The following TENT2 variants were observed in gnomAD, a reference collection of about 807,000 sequenced individuals.
The protein encoded by TENT2 is terminal nucleotidyltransferase 2.
In TENT2, 44 loss-of-function variants were observed where a neutral mutation model predicts 72.2. The ratio of observed to expected loss-of-function variants is 0.61; its 90% CI spans 0.48 to 0.78. The LOEUF is 0.78. Ranked by LOEUF, TENT2 falls within the 30% of genes least tolerant of loss-of-function variation. TENT2 has a pLI of 0.00. For synonymous variants in TENT2, 212 were observed against 192.5 expected (o/e 1.10, Z -0.84); for missense variants, 541 against 569.6 (o/e 0.95, Z 0.51).
intron 10 of TENT2, among the ~76,000 whole-genome samples, chr5:79,656,709 TA>T (rs940690751): frequency 9.2e-5 from 14 of 152,028 alleles, no homozygotes; most frequent in African/African-American, 3.1e-4. Flanking sequence ...CCTATTATTC[TA>T]AAACCATGTG....
Position 79,676,350 on chromosome 5 carries a change from C to G in TENT2, c.1209-3229C>G, listed in dbSNP as rs566197052. 2.4e-4 allele frequency among the ~76,000 whole-genome samples: 37 copies of G among 152,196 alleles called. 1 individual carries two copies. The South Asian group carries it at 7.3e-3, about 30-fold the overall frequency. ...ACAGTGGCTCACGCACCTTGGGAGG[C>G]TGAGGTGGGCAGATCGCTTGAGGTC... On this transcript the variant is annotated intron_variant, in intron 12 of 14. Transcript: ENST00000453514.
intron 4 of TENT2, among the ~76,000 whole-genome samples, chr5:79,625,632 A>G (rs1768939266): frequency 6.6e-6 from 1 of 152,144 alleles, no homozygotes; most frequent in Admixed American, 6.5e-5. Flanking sequence ...TTTGTATATG[A>G]TGTAAAGTAG....
In TENT2 at chr5:79,681,962, A is replaced by G. The variant is rs373553722; in HGVS notation, c.1301-20A>G. On this transcript the variant is annotated intron_variant, in intron 13 of 14. Coordinates refer to ENST00000453514, the MANE Select transcript of TENT2 (RefSeq NM_001114394.3). The stretch of plus-strand genomic sequence containing the variant: ...CTCATTTTAATAATTTTTCCTTTAC[A>G]TTTGCATTTAACATTGCAGAACCTT... The G allele has an allele frequency of 8.1e-6, 13 of 1,595,092 alleles. No homozygotes were observed. The African/African-American group carries it at 1.2e-4, about 15-fold the overall frequency.
intron 8 of TENT2, among the ~76,000 whole-genome samples, chr5:79,648,213 TG>T (rs1790701558): frequency 6.6e-6 from 1 of 151,744 alleles, no homozygotes; most frequent in Non-Finnish European, 1.5e-5. Flanking sequence ...GAGGCTGAGG[TG>T]GGGGAATTGC....
chr5:79,637,652 C>T (rs1203015667), intron 4 of TENT2, among the ~76,000 whole-genome samples: 1 of 152,064 alleles, frequency 6.6e-6, no homozygotes, highest in African/African-American at 2.4e-5. Flanking sequence ...GTCTCGGATT[C>T]CTGGGCTTAA....
In TENT2 at chr5:79,642,887, A is replaced by T; in HGVS notation, c.728A>T (p.His243Leu). The T allele has an allele frequency of 1.2e-6, 2 of 1,612,136 alleles. No homozygotes were observed. Among genetic ancestry groups the T allele is most frequent in the Non-Finnish European group, 1.7e-6 (2 of 1,179,232 alleles). The change falls in exon 7 of 15, where the codon CAT (histidine) becomes CTT (leucine). Residue 243 changes from histidine (H) to leucine (L), a missense_variant. By Grantham distance (99) the His-to-Leu change is moderately conservative. Coordinates refer to ENST00000453514, the MANE Select transcript of TENT2 (RefSeq NM_001114394.3). ...GCACGGCATATACTCACCTTAGTCCATAAACACTTCTGTACTAGACTTTGT... is the reference window on the plus strand; with the variant it reads ...GCACGGCATATACTCACCTTAGTCCTTAAACACTTCTGTACTAGACTTTGT... Reference protein sequence around the residue: ...TEARHILTLVHKHFCTRLSGY... With the variant: ...TEARHILTLVLKHFCTRLSGY...
rs146934616 is a variant in TENT2, at chr5:79,649,173, T to C, written c.1010T>C (p.Val337Ala). 4.3e-5 allele frequency: 70 copies of C among 1,612,900 alleles called. No individual in the cohort carries two copies. The highest frequency in any genetic ancestry group is 5.2e-5 in the Non-Finnish European group (61 of 1,179,398). Residue 337 changes from valine to alanine, a missense_variant, in exon 10 of 15, where the codon GTT (valine) becomes GCT (alanine). Transcript: ENST00000453514. ...TLSSYSLVLM[V>A]LHYLQTLPEP... is the part of the protein sequence containing the mutation. ...AGCAGCTATAGTCTTGTATTGATGGTTTTGCACTATTTACAAAGTAAGTAT... is the reference window on the plus strand; with the variant it reads ...AGCAGCTATAGTCTTGTATTGATGGCTTTGCACTATTTACAAAGTAAGTAT...
intron 11 of TENT2, among the ~76,000 whole-genome samples, chr5:79,668,197 C>T (rs768288772): frequency 6.6e-6 from 1 of 151,884 alleles, no homozygotes. Context: ...TTCTAATAGG[C>T]GTCTTTGTTC....
intron 8 of TENT2, among the ~76,000 whole-genome samples, chr5:79,646,869 A>G (rs1344010757): frequency 6.6e-6 from 1 of 151,838 alleles, no homozygotes; most frequent in East Asian, 1.9e-4. Flanking sequence ...CCTGGACTCA[A>G]GTGATCCTCC....
chr5:79,670,447 C>T (rs1369759100), intron 12 of TENT2, among the ~76,000 whole-genome samples: 2 of 151,604 alleles, frequency 1.3e-5, no homozygotes, highest in Non-Finnish European at 2.9e-5. Flanking sequence ...GCCTCAGCCT[C>T]CCAAGTTGCT....
chr5:79,657,205 T>C (rs1174742646), intron 11 of TENT2, among the ~76,000 whole-genome samples: 1 of 152,088 alleles, frequency 6.6e-6, no homozygotes, highest in African/African-American at 2.4e-5. Context: ...GCAGACAGTC[T>C]GGTCAGTTGT....
At chr5:79,623,957 T>G (rs1393583240) in intron 4 of TENT2, among the ~76,000 whole-genome samples, 1 of 152,168 alleles carries the variant, frequency 6.6e-6, no homozygotes, top group Non-Finnish European at 1.5e-5. Flanking sequence ...CAAAAACATT[T>G]ATAAAAATTT....
intron 4 of TENT2, among the ~76,000 whole-genome samples, chr5:79,625,573 T>C (rs2150052739): frequency 6.6e-6 from 1 of 152,252 alleles, no homozygotes; most frequent in African/African-American, 2.4e-5. Context: ...TTCTGAGTTT[T>C]ATAGTTTTAA....
chr5:79,648,822 G>A (rs1791236985), intron 9 of TENT2, 129 bp downstream of exon 9: 1 of 810,938 alleles, frequency 1.2e-6, no homozygotes, highest in Admixed American at 2.9e-5. Context: ...ATTTGTATAT[G>A]TTGCTACACT....
At chr5:79,655,172 T>C (rs1221488365) in intron 10 of TENT2, among the ~76,000 whole-genome samples, 1 of 152,164 alleles carries the variant, frequency 6.6e-6, no homozygotes, top group Non-Finnish European at 1.5e-5. Context: ...TCATTGAGAC[T>C]AATATCAGGA....
In TENT2 at chr5:79,642,869, A is replaced by G. The variant is rs2150456061; in HGVS notation, c.710A>G (p.His237Arg). 2 of 1,612,142 alleles carry G rather than the reference A, an allele frequency of 1.2e-6. No homozygotes were observed. Among genetic ancestry groups the G allele is most frequent in the South Asian group, 1.1e-5 (1 of 90,992 alleles). ...FQVNQKTEAR[H>R]ILTLVHKHFC... The stretch of plus-strand genomic sequence containing the variant: ...GTAAATCAGAAGACTGAAGCACGGC[A>G]TATACTCACCTTAGTCCATAAACAC... The change falls in exon 7 of 15, where the codon CAT becomes CGT. Residue 237 changes from histidine to arginine, a missense_variant. Physicochemically the swap from His to Arg is conservative, Grantham distance 29 (BLOSUM62 0). Transcript: ENST00000453514.
chr5:79,674,303 A>T (rs1238737167), intron 12 of TENT2, among the ~76,000 whole-genome samples: 1 of 151,884 alleles, frequency 6.6e-6, no homozygotes, highest in East Asian at 1.9e-4. Context: ...AATCGCTTGA[A>T]CTCAGGAGTT....
intron 11 of TENT2, among the ~76,000 whole-genome samples, chr5:79,664,536 A>G (rs1432319490): frequency 1.3e-5 from 2 of 151,454 alleles, no homozygotes; most frequent in South Asian, 2.1e-4. Flanking sequence ...CGGAGGTTGC[A>G]GTAAGCTGAG....
chr5:79,681,285 G>C (rs745432990), intron 13 of TENT2, among the ~76,000 whole-genome samples: 1 of 144,416 alleles, frequency 6.9e-6, no homozygotes, highest in Admixed American at 7.3e-5. Flanking sequence ...TCAGCCTCCC[G>C]AGTAGCTGGG....
Sources: allele counts gnomAD v4.1 joint callset (sites outside exome capture counted in the v4.1 genomes callset), GRCh38; gene constraint gnomAD v4.1.1; transcripts MANE v1.5; gene names NCBI Gene and HGNC (gene_info 2026-07-23, HGNC 2026-07-21).